QRFPR: variants seen among roughly 807,000 people sequenced by gnomAD.
The protein encoded by QRFPR is pyroglutamylated RFamide peptide receptor, also known as pyroglutamylated RF-amide peptide receptor.
In QRFPR, 37 loss-of-function variants were observed where a neutral mutation model predicts 31.3. The ratio of observed to expected loss-of-function variants is 1.18; its 90% CI spans 0.91 to 1.56. QRFPR has a LOEUF of 1.56. Ranked by LOEUF, QRFPR falls within the 40% of genes most tolerant of loss-of-function variation. The pLI, the probability that QRFPR is intolerant of heterozygous loss-of-function variation, is 0.00. For missense variants in QRFPR, 542 were observed against 532.5 expected (o/e 1.02, Z -0.18); for synonymous variants, 197 against 192.0 (o/e 1.03, Z -0.22).
At chr4:121,360,999 TAA>T (rs1383126525) in intron 1 of QRFPR, among the ~76,000 whole-genome samples, 1 of 152,162 alleles carries the variant, frequency 6.6e-6, no homozygotes. Flanking sequence ...AAATGTTAGT[TAA>T]ATGAGCAAGT....
intron 1 of QRFPR, among the ~76,000 whole-genome samples, chr4:121,352,272 G>A (rs529227375): frequency 3.9e-5 from 6 of 152,178 alleles, no homozygotes; most frequent in African/African-American, 1.4e-4. Flanking sequence ...AAATGCCACA[G>A]CTGAATGACT....
chr4:121,332,439 T>G (rs1376311781), intron 4 of QRFPR, among the ~76,000 whole-genome samples: 1 of 152,180 alleles, frequency 6.6e-6, no homozygotes, highest in Non-Finnish European at 1.5e-5. Context: ...TTATGCTCCT[T>G]GTACATATGC....
chr4:121,370,984 T>A (rs1726231905), intron 1 of QRFPR, among the ~76,000 whole-genome samples: 1 of 152,206 alleles, frequency 6.6e-6, no homozygotes, highest in African/African-American at 2.4e-5. Context: ...TAGGGGAAGC[T>A]TTAATGCCAG....
intron 1 of QRFPR, among the ~76,000 whole-genome samples, chr4:121,346,482 T>C (rs1424775012): frequency 2.6e-5 from 4 of 152,234 alleles, no homozygotes; most frequent in African/African-American, 9.6e-5. Flanking sequence ...AATAATGTCA[T>C]CTGCAAATAC....
intron 1 of QRFPR, among the ~76,000 whole-genome samples, chr4:121,342,424 T>C (rs1003529547): frequency 2.0e-5 from 3 of 152,128 alleles, no homozygotes; most frequent in Non-Finnish European, 4.4e-5. Flanking sequence ...TAAAATATCT[T>C]ATTGGTTCTG....
At chr4:121,364,626 C>T (rs1174747818) in intron 1 of QRFPR, among the ~76,000 whole-genome samples, 2 of 140,140 alleles carry the variant, frequency 1.4e-5, no homozygotes, top group Non-Finnish European at 3.1e-5. Context: ...GGCCACAGAG[C>T]GAGACTCCAT....
intron 1 of QRFPR, among the ~76,000 whole-genome samples, chr4:121,350,594 G>A (rs1023256326): frequency 6.6e-6 from 1 of 152,108 alleles, no homozygotes; most frequent in Non-Finnish European, 1.5e-5. Flanking sequence ...TCAACATTCG[G>A]CACATGCATC....
intron 1 of QRFPR, among the ~76,000 whole-genome samples, chr4:121,371,663 T>C (rs1045068364): frequency 6.6e-6 from 1 of 152,184 alleles, no homozygotes; most frequent in African/African-American, 2.4e-5. Flanking sequence ...TGGGAAGACA[T>C]ATGATCGGGG....
chr4:121,366,169 C>T (rs1329212604), intron 1 of QRFPR, among the ~76,000 whole-genome samples: 1 of 149,770 alleles, frequency 6.7e-6, no homozygotes, highest in Non-Finnish European at 1.5e-5. Context: ...TCAGTATAAC[C>T]AGTGTGGTTA....
At chr4:121,343,364 C>G (rs1381103085) in intron 1 of QRFPR, among the ~76,000 whole-genome samples, 1 of 152,206 alleles carries the variant, frequency 6.6e-6, no homozygotes, top group African/African-American at 2.4e-5. Flanking sequence ...TACTCCCTTC[C>G]CAATCCTTTT....
At chr4:121,370,666 G>A (rs978001815) in intron 1 of QRFPR, among the ~76,000 whole-genome samples, 3 of 152,070 alleles carry the variant, frequency 2.0e-5, no homozygotes, top group Non-Finnish European at 4.4e-5. Flanking sequence ...ACTACCCGAC[G>A]TTTACAGATT....
chr4:121,372,541 AC>A (rs1157434248), intron 1 of QRFPR, among the ~76,000 whole-genome samples: 1 of 152,114 alleles, frequency 6.6e-6, no homozygotes, highest in Non-Finnish European at 1.5e-5. Context: ...CTTTTTCATA[AC>A]CCCAAACAGA....
intron 3 of QRFPR, among the ~76,000 whole-genome samples, chr4:121,335,223 A>G (rs1358782032): frequency 9.5e-6 from 1 of 104,812 alleles, no homozygotes; most frequent in East Asian, 2.2e-4. Flanking sequence ...TCTATATTAA[A>G]TAAAACAAAA....
chr4:121,332,960 C>A lies in QRFPR; in HGVS notation c.658G>T (p.Val220Phe), dbSNP rs1244845743. ...HQKIYTTFIL[V>F]ILFLLPLMVM... ...ATAAGAGGCAGGAGGAAGAGGATGA[C>A]AAGGATGAAGGTGGTGTAGATCTTC... The change falls in exon 4 of 6, where the codon GTC becomes TTC. Residue 220 changes from valine to phenylalanine, a missense_variant. Coordinates refer to ENST00000394427, the MANE Select transcript of QRFPR (RefSeq NM_198179.3). The A allele has an allele frequency of 1.2e-6, 2 of 1,613,900 alleles. No homozygotes were observed. The highest frequency in any genetic ancestry group is 4.5e-5 in the East Asian group (2 of 44,882).
intron 1 of QRFPR, among the ~76,000 whole-genome samples, chr4:121,349,754 A>C (rs1432349486): frequency 1.3e-5 from 2 of 152,200 alleles, no homozygotes; most frequent in African/African-American, 2.4e-5. Context: ...TAAAATATAA[A>C]ATCCTAAAAT....
At position 121,374,932 on chromosome 4, in the gene QRFPR, T is replaced by C. The variant is rs558180077; in HGVS notation, c.340+5376A>G. Among the ~76,000 whole-genome samples, 65 of 152,252 alleles carry C rather than the reference T, an allele frequency of 4.3e-4. 1 individual carries two copies. Among genetic ancestry groups the C allele is most frequent in the African/African-American group, 1.4e-3 (60 of 41,542 alleles). On this transcript the variant is annotated intron_variant, in intron 1 of 5. Coordinates refer to ENST00000394427, the MANE Select transcript of QRFPR (RefSeq NM_198179.3). Reference sequence around the variant, plus strand: ...TTCTTTTCACTGCCCACGGCAGGATTTGGGGGAGTGCTGCAGAGCTGTGTG... The same window carrying C: ...TTCTTTTCACTGCCCACGGCAGGATCTGGGGGAGTGCTGCAGAGCTGTGTG...
At chr4:121,378,203 T>C (rs557421532) in intron 1 of QRFPR, among the ~76,000 whole-genome samples, 168 of 152,216 alleles carry the variant, frequency 1.1e-3, no homozygotes, top group Non-Finnish European at 2.1e-3. Context: ...CCCTATAAAA[T>C]AAATGAGCAA....
intron 1 of QRFPR, among the ~76,000 whole-genome samples, chr4:121,356,410 G>A (rs1382822382): frequency 2.0e-5 from 3 of 152,108 alleles, no homozygotes; most frequent in African/African-American, 7.2e-5. Flanking sequence ...CTCCAGGACT[G>A]GTCACTGGTG....
At chr4:121,354,038 G>A (rs1484211740) in intron 1 of QRFPR, among the ~76,000 whole-genome samples, 4 of 151,934 alleles carry the variant, frequency 2.6e-5, no homozygotes, top group East Asian at 1.9e-4. Flanking sequence ...ATTTATTCCC[G>A]GGTTCTTTAT....
Sources: allele counts gnomAD v4.1 joint callset (sites outside exome capture counted in the v4.1 genomes callset), GRCh38; gene constraint gnomAD v4.1.1; transcripts MANE v1.5; gene names NCBI Gene and HGNC (gene_info 2026-07-23, HGNC 2026-07-21).